The following ESRRB variants were observed in gnomAD, a reference collection of about 807,000 sequenced individuals.
ESRRB encodes the protein estrogen related receptor beta.
Under a neutral mutation model 46.0 loss-of-function variants are expected in ESRRB, and 16 were observed. The ratio of observed to expected loss-of-function variants is 0.35; its 90% CI spans 0.24 to 0.53. The LOEUF (loss-of-function observed/expected upper bound fraction) is 0.53, where lower values mean the gene tolerates loss of function less well. Ranked by LOEUF, ESRRB falls within the 20% of genes least tolerant of loss-of-function variation. The pLI, the probability that ESRRB is intolerant of heterozygous loss-of-function variation, is 0.93. For synonymous variants in ESRRB, 246 were observed against 259.6 expected (o/e 0.95, Z 0.50); for missense variants, 488 against 607.4 (o/e 0.80, Z 2.07).
chr14:76,437,962 T>C (rs371260305), intron 1 of ESRRB, among the ~76,000 whole-genome samples: 1 of 152,100 alleles, frequency 6.6e-6, no homozygotes, highest in East Asian at 1.9e-4. Flanking sequence ...GTAATTCACC[T>C]GGACTTTGTG....
chr14:76,408,869 CTTCAT>C (rs1388799736), intron 1 of ESRRB, among the ~76,000 whole-genome samples: 1 of 152,148 alleles, frequency 6.6e-6, no homozygotes, highest in Non-Finnish European at 1.5e-5. Flanking sequence ...CCATTGAGCG[CTTCAT>C]TTCAACCAGG....
intron 1 of ESRRB, among the ~76,000 whole-genome samples, chr14:76,345,221 C>T (rs1257914160): frequency 1.3e-5 from 2 of 152,114 alleles, no homozygotes; most frequent in Non-Finnish European, 2.9e-5. Flanking sequence ...AGCTTTTGCA[C>T]AGTAAAAGGA....
chr14:76,417,993 T>C (rs1403621082), intron 1 of ESRRB, among the ~76,000 whole-genome samples: 1 of 147,470 alleles, frequency 6.8e-6, no homozygotes, highest in Non-Finnish European at 1.5e-5. Flanking sequence ...TCTGGCTCTG[T>C]CACCCAGGCT....
intron 1 of ESRRB, among the ~76,000 whole-genome samples, chr14:76,398,468 A>G (rs1310427572): frequency 6.6e-6 from 1 of 152,182 alleles, no homozygotes; most frequent in Non-Finnish European, 1.5e-5. Flanking sequence ...AAAGGCAGCT[A>G]GGAAATGGGG....
intron 1 of ESRRB, among the ~76,000 whole-genome samples, chr14:76,349,681 C>T (rs1884290965): frequency 6.6e-6 from 1 of 152,170 alleles, no homozygotes; most frequent in Admixed American, 6.5e-5. Context: ...AGAGCATCCT[C>T]GTCCACTAGA....
chr14:76,491,242 G>A (rs958918677), intron 5 of ESRRB, among the ~76,000 whole-genome samples: 11 of 152,226 alleles, frequency 7.2e-5, no homozygotes, highest in Admixed American at 3.3e-4. Context: ...AGTCTTTTCC[G>A]TGAATTCCAA....
intron 1 of ESRRB, among the ~76,000 whole-genome samples, chr14:76,411,809 A>G (rs957051949): frequency 2.0e-5 from 3 of 152,218 alleles, no homozygotes; most frequent in Non-Finnish European, 4.4e-5. Context: ...AAGCTTTCGT[A>G]CATTGCTCAT....
At chr14:76,378,037 G>A (rs911313173) in intron 1 of ESRRB, among the ~76,000 whole-genome samples, 2 of 151,784 alleles carry the variant, frequency 1.3e-5, no homozygotes, top group African/African-American at 4.8e-5. Context: ...GGATGGGGTG[G>A]GAGCACCTGA....
intron 3 of ESRRB, chr14:76,463,074 G>A: frequency 7.5e-6 from 2 of 265,150 alleles, no homozygotes; most frequent in South Asian, 9.0e-5. Flanking sequence ...CCCTTCACCT[G>A]TGAAGAATGG....
At chr14:76,399,906 A>G (rs1374207469) in intron 1 of ESRRB, among the ~76,000 whole-genome samples, 3 of 152,082 alleles carry the variant, frequency 2.0e-5, no homozygotes, top group Non-Finnish European at 2.9e-5. Context: ...GTGGGAGGTC[A>G]TATAGGTGTC....
intron 1 of ESRRB, among the ~76,000 whole-genome samples, chr14:76,424,785 G>C (rs1887126576): frequency 6.6e-6 from 1 of 152,136 alleles, no homozygotes; most frequent in African/African-American, 2.4e-5. Flanking sequence ...TGCCCAGACT[G>C]GAGTGCAGTG....
At chr14:76,341,204 A>C (rs1334169421) in intron 1 of ESRRB, among the ~76,000 whole-genome samples, 1 of 152,118 alleles carries the variant, frequency 6.6e-6, no homozygotes, top group Non-Finnish European at 1.5e-5. Flanking sequence ...GGCGTTTCTC[A>C]GAAGAGAAGC....
chr14:76,445,367 A>G (rs572046965), intron 2 of ESRRB, among the ~76,000 whole-genome samples: 72 of 148,196 alleles, frequency 4.9e-4, no homozygotes, highest in African/African-American at 1.7e-3. Flanking sequence ...GCTACTCGAG[A>G]GGCTGAGACA....
chr14:76,436,414 G>C (rs1320262495), intron 1 of ESRRB, among the ~76,000 whole-genome samples: 1 of 152,220 alleles, frequency 6.6e-6, no homozygotes, highest in East Asian at 1.9e-4. Flanking sequence ...TATCTCCTGA[G>C]ATCTCTGGAG....
Position 76,482,044 on chromosome 14 carries a change from C to T in ESRRB, c.606C>T (p.Gly202=), listed in dbSNP as rs1403604413. ...TGCGCCTTGATCGAGTGCGTGGAGG[C>T]CGTCAGAAATACAAGCGACGGCTGG... The part of the protein sequence containing the change: ...EGVRLDRVRG[G]RQKYKRRLDS... The change falls in exon 4 of 7, where the codon GGC becomes GGT. Residue 202 remains glycine (G), a synonymous_variant. Transcript: ENST00000644823. The surrounding 1 kb of genome is among the most constrained non-coding windows in gnomAD (Gnocchi z 4.3). 1 of 1,614,088 alleles carries T rather than the reference C, an allele frequency of 6.2e-7. No individual in the cohort carries two copies. The highest frequency in any genetic ancestry group is 2.2e-5 in the East Asian group (1 of 44,894).
chr14:76,386,766 G>A (rs1004963638), intron 1 of ESRRB, among the ~76,000 whole-genome samples: 7 of 152,076 alleles, frequency 4.6e-5, no homozygotes, highest in African/African-American at 1.4e-4. Flanking sequence ...TGTTAGGCTG[G>A]CCGTGCCCTT....
chr14:76,462,465 C>T lies in ESRRB; in HGVS notation c.461-80C>T, dbSNP rs1888907826. Reference sequence around the variant, plus strand: ...GTGGCAGCTCTGGCAAATTAAAATCCCCATCCAGCCAGCCCTGCGCTGGCA... The same window carrying T: ...GTGGCAGCTCTGGCAAATTAAAATCTCCATCCAGCCAGCCCTGCGCTGGCA... On this transcript the variant is annotated intron_variant, in intron 2 of 6. Transcript: ENST00000644823. The T allele has an allele frequency of 4.7e-6, 5 of 1,062,536 alleles. No individual in the cohort carries two copies. The Admixed American group carries it at 7.8e-5, about 16-fold the overall frequency. The allele number at this position is 1,062,536 out of a possible 1,614,324, so 65.8% of individuals were successfully genotyped here.
At chr14:76,485,912 G>A (rs983749007) in intron 5 of ESRRB, among the ~76,000 whole-genome samples, 2 of 152,208 alleles carry the variant, frequency 1.3e-5, no homozygotes, top group African/African-American at 2.4e-5. Flanking sequence ...CACTACACAT[G>A]AGGTCCCCTG....
At chr14:76,417,583 G>T (rs116797154) in intron 1 of ESRRB, among the ~76,000 whole-genome samples, 1 of 152,158 alleles carries the variant, frequency 6.6e-6, no homozygotes, top group African/African-American at 2.4e-5. Flanking sequence ...TGTTTGCAGC[G>T]AACACGCATT....
Sources: allele counts gnomAD v4.1 joint callset (sites outside exome capture counted in the v4.1 genomes callset), GRCh38; gene constraint gnomAD v4.1.1; non-coding constraint Gnocchi (gnomAD v3.1); transcripts MANE v1.5; gene names NCBI Gene and HGNC (gene_info 2026-07-23, HGNC 2026-07-21).